PARD3B: variants seen among roughly 807,000 people sequenced by gnomAD.
PARD3B encodes the protein partitioning defective 3 homolog B.
A neutral mutation model predicts 130.2 loss-of-function variants in PARD3B; 103 were observed. The observed-to-expected ratio is 0.79, with a 90% CI of 0.67 to 0.93. The LOEUF (loss-of-function observed/expected upper bound fraction) is 0.93. Among genes scored for constraint, PARD3B ranks in the 40% least tolerant of loss-of-function variants. The pLI is 0.00. For missense variants in PARD3B, 1,609 were observed against 1,499.2 expected, an observed-to-expected ratio of 1.07 and a Z score of -1.21; for synonymous variants, 583 against 553.2, an observed-to-expected ratio of 1.05 and a Z score of -0.76.
intron 1 of PARD3B, among the ~76,000 whole-genome samples, chr2:204,607,515 T>C (rs1025257543): frequency 1.3e-5 from 2 of 152,136 alleles, no homozygotes; most frequent in African/African-American, 4.8e-5. Flanking sequence ...CATTACATGG[T>C]TTGACTGGGC....
intron 3 of PARD3B, among the ~76,000 whole-genome samples, chr2:204,988,356 G>A (rs988796005): frequency 6.6e-6 from 1 of 152,122 alleles, no homozygotes; most frequent in African/African-American, 2.4e-5. Flanking sequence ...GTAGTGGGGG[G>A]CATGTGGAGG....
chr2:204,701,792 C>T (rs990159312), intron 2 of PARD3B, among the ~76,000 whole-genome samples: 11 of 151,638 alleles, frequency 7.3e-5, no homozygotes, highest in Non-Finnish European at 1.3e-4. Context: ...GTTTGTTACC[C>T]GAGTATATTG....
chr2:205,030,533 G>C (rs1392917157), intron 3 of PARD3B, among the ~76,000 whole-genome samples: 2 of 152,006 alleles, frequency 1.3e-5, no homozygotes, highest in East Asian at 1.9e-4. Flanking sequence ...GGAACTTAAC[G>C]TTTCTTCTGC....
intron 19 of PARD3B, among the ~76,000 whole-genome samples, chr2:205,419,210 C>T (rs761122619): frequency 1.3e-5 from 2 of 151,994 alleles, no homozygotes; most frequent in African/African-American, 4.8e-5. Context: ...GTGCTGTTCT[C>T]GTGATAGTGA....
At position 205,004,315 on chromosome 2, in the gene PARD3B, G is replaced by C. The variant is rs181979567; in HGVS notation, c.394+38992G>C. Among the ~76,000 whole-genome samples the C allele has an allele frequency of 3.9e-5, 6 of 152,272 alleles. No individual in the cohort carries two copies. In the South Asian group the frequency reaches 6.2e-4, roughly 16 times the overall value. On this transcript the variant is annotated intron_variant, in intron 3 of 22. Coordinates refer to ENST00000406610, the MANE Select transcript of PARD3B (RefSeq NM_001302769.2). The stretch of plus-strand genomic sequence containing the variant: ...TATTCTAGCCTGTGCTCCTGCTTCC[G>C]CAAGAATTTTTCTCCCTCTGAGTAA...
intron 16 of PARD3B, among the ~76,000 whole-genome samples, chr2:205,246,210 TC>T (rs1388775591): frequency 2.0e-5 from 3 of 147,914 alleles, no homozygotes; most frequent in African/African-American, 7.5e-5. Flanking sequence ...ATCATTTTTT[TC>T]TCCTCAAAAA....
At chr2:204,692,577 A>G (rs1335472052) in intron 2 of PARD3B, among the ~76,000 whole-genome samples, 1 of 151,992 alleles carries the variant, frequency 6.6e-6, no homozygotes, top group East Asian at 1.9e-4. Flanking sequence ...ATCGCAAGCT[A>G]AAGTACCTAT....
intron 21 of PARD3B, among the ~76,000 whole-genome samples, chr2:205,521,392 T>C (rs530157887): frequency 6.6e-6 from 1 of 152,262 alleles, no homozygotes; most frequent in Non-Finnish European, 1.5e-5. Flanking sequence ...AAGCCTTTAC[T>C]GTCAAATTTC....
intron 19 of PARD3B, among the ~76,000 whole-genome samples, chr2:205,402,689 T>TAA (rs1342624764): frequency 6.6e-6 from 1 of 152,222 alleles, no homozygotes; most frequent in Non-Finnish European, 1.5e-5. Flanking sequence ...AGCTGAGCTG[T>TAA]AAATTCACTT....
intron 4 of PARD3B, among the ~76,000 whole-genome samples, 184 bp from the exon 5 acceptor site, chr2:205,104,242 C>G (rs1703032207): frequency 6.6e-6 from 1 of 152,112 alleles, no homozygotes; most frequent in East Asian, 1.9e-4. Context: ...AGAAACCAAA[C>G]AGGAGAGAAA....
At chr2:204,601,147 A>G (rs958221751) in intron 1 of PARD3B, among the ~76,000 whole-genome samples, 4 of 151,906 alleles carry the variant, frequency 2.6e-5, no homozygotes, top group South Asian at 2.1e-4. Context: ...TACTCCATTT[A>G]TTTGATAATT....
At chr2:205,217,233 A>G (rs950419197) in intron 15 of PARD3B, among the ~76,000 whole-genome samples, 7 of 152,318 alleles carry the variant, frequency 4.6e-5, no homozygotes, top group Admixed American at 3.9e-4. Context: ...CATGTCTGCC[A>G]TAGCCACCCA....
At chr2:204,819,172 G>A (rs765312492) in intron 2 of PARD3B, among the ~76,000 whole-genome samples, 3 of 152,156 alleles carry the variant, frequency 2.0e-5, no homozygotes, top group Non-Finnish European at 2.9e-5. Context: ...TGTAGATATT[G>A]TGTTTTTTTG....
At chr2:205,123,550 A>G (rs2031011504) in intron 8 of PARD3B, among the ~76,000 whole-genome samples, 2 of 151,968 alleles carry the variant, frequency 1.3e-5, no homozygotes, top group African/African-American at 4.8e-5. Context: ...CTGTGGCTAC[A>G]TGGGAGGACA....
At chr2:204,569,739 C>T (rs1303987392) in intron 1 of PARD3B, among the ~76,000 whole-genome samples, 1 of 152,120 alleles carries the variant, frequency 6.6e-6, no homozygotes, top group South Asian at 2.1e-4. Flanking sequence ...TAGATTGTCC[C>T]ATGCAGTTAA....
chr2:204,945,515 G>T (rs188612851), intron 2 of PARD3B, among the ~76,000 whole-genome samples: 2 of 152,172 alleles, frequency 1.3e-5, no homozygotes, highest in Admixed American at 6.5e-5. Flanking sequence ...TGTGAAAAGG[G>T]CTATGTTATT....
rs185663764 is a variant in PARD3B at position 204,823,711 on chromosome 2, G to A, written c.222+137429G>A. ...TCCCAGCACTTTGGAAGGCCAAGGCGGTTAGATCACCTGAGGTCAGGAGTT... is the reference window on the plus strand; with the variant it reads ...TCCCAGCACTTTGGAAGGCCAAGGCAGTTAGATCACCTGAGGTCAGGAGTT... On this transcript the variant is annotated intron_variant, in intron 2 of 22. Coordinates refer to ENST00000406610, the MANE Select transcript of PARD3B (RefSeq NM_001302769.2). Among the ~76,000 whole-genome samples, 479 of 152,220 alleles carry A rather than the reference G, an allele frequency of 3.1e-3. 2 individuals are homozygous for A. The highest frequency in any genetic ancestry group is 0.022 in the South Asian group (107 of 4,814).
chr2:205,051,241 C>T (rs999213502), intron 4 of PARD3B, among the ~76,000 whole-genome samples: 4 of 152,080 alleles, frequency 2.6e-5, no homozygotes, highest in Non-Finnish European at 5.9e-5. Context: ...ATTCTTGATT[C>T]CTATGATTTG....
At chr2:205,290,868 A>T (rs1485647923) in intron 16 of PARD3B, among the ~76,000 whole-genome samples, 2 of 152,188 alleles carry the variant, frequency 1.3e-5, no homozygotes, top group Non-Finnish European at 2.9e-5. Flanking sequence ...AAGCTCTTCC[A>T]CTTGAGAATG....
Sources: gnomAD v4.1 joint callset for allele counts (sites outside exome capture counted in the v4.1 genomes callset) on GRCh38, gnomAD v4.1.1 for gene constraint, MANE v1.5 for transcripts, NCBI Gene and HGNC (gene_info 2026-07-23, HGNC 2026-07-21) for gene names.